Variants in SIPA1L1 observed in about 807,000 individuals in gnomAD.
SIPA1L1 encodes signal induced proliferation associated 1 like 1.
A neutral mutation model predicts 162.7 loss-of-function variants in SIPA1L1; 26 were observed. That is an observed-to-expected ratio of 0.16 (90% CI 0.12 to 0.22). SIPA1L1 has a LOEUF of 0.22. SIPA1L1 is among the 10% of genes least tolerant of loss of function. The probability of loss-of-function intolerance (pLI) is 1.00; values close to 1 mark genes in which losing one functional copy is unlikely to be tolerated. For missense variants in SIPA1L1, 1,874 were observed against 2,241.0 expected, an observed-to-expected ratio of 0.84 and a Z score of 3.31; for synonymous variants, 829 against 837.4, an observed-to-expected ratio of 0.99 and a Z score of 0.17.
intron 19 of SIPA1L1, among the ~76,000 whole-genome samples, chr14:71,726,050 A>G (rs1274137274): frequency 1.3e-5 from 2 of 152,128 alleles, no homozygotes; most frequent in Non-Finnish European, 2.9e-5. Flanking sequence ...GTGTGCATGC[A>G]TCTCCCCAGA....
intron 4 of SIPA1L1, among the ~76,000 whole-genome samples, chr14:71,553,880 A>G (rs1480511861): frequency 1.3e-5 from 2 of 152,168 alleles, no homozygotes; most frequent in Non-Finnish European, 2.9e-5. Flanking sequence ...TTGAGACCTT[A>G]GCATAGTGTT....
intron 2 of SIPA1L1, among the ~76,000 whole-genome samples, chr14:71,356,567 C>CAAAAAACAAAAAAAAAA (rs2037268199): frequency 2.6e-5 from 1 of 39,172 alleles, no homozygotes; most frequent in Non-Finnish European, 4.3e-5. Context: ...CTTGTCTCTA[C>CAAAAAACAAAAAAAAAA]AAAAAAAAAA....
At chr14:71,362,843 C>CT (rs1442724490) in intron 2 of SIPA1L1, among the ~76,000 whole-genome samples, 1 of 152,170 alleles carries the variant, frequency 6.6e-6, no homozygotes, top group African/African-American at 2.4e-5. Context: ...TTCACAGATA[C>CT]TTTTGCAGGA....
Position 71,650,397 on chromosome 14 carries a change from G to C in SIPA1L1, c.1881G>C (p.Glu627Asp), listed in dbSNP as rs538232566. ...YCKAGQSTEE[E>D]MYNNESAGPA... is the part of the protein sequence containing the mutation. The stretch of plus-strand genomic sequence containing the variant: ...AAGCTGGACAGAGCACTGAAGAAGA[G>C]ATGTACAACAATGAGTCAGCTGGCC... Residue 627 changes from glutamate to aspartate, a missense_variant, in exon 8 of 24, where the codon GAG becomes GAC. Around this residue, in one of 5 missense-constraint regions of SIPA1L1, gnomAD observed 685 missense variants for 828.0 expected, o/e 0.83. Transcript: ENST00000381232. The C allele has an allele frequency of 6.2e-7, 1 of 1,614,212 alleles. No individual in the cohort carries two copies. Among genetic ancestry groups the C allele is most frequent in the Non-Finnish European group, 8.5e-7 (1 of 1,180,024 alleles).
chr14:71,560,376 G>T (rs1449872853), intron 4 of SIPA1L1, among the ~76,000 whole-genome samples: 1 of 152,154 alleles, frequency 6.6e-6, no homozygotes, highest in African/African-American at 2.4e-5. Flanking sequence ...GATTGTGTTG[G>T]TATCTTTCCT....
At chr14:71,525,842 G>A (rs954016843) in intron 3 of SIPA1L1, among the ~76,000 whole-genome samples, 10 of 152,162 alleles carry the variant, frequency 6.6e-5, no homozygotes, top group African/African-American at 2.4e-4. Context: ...TTTAAATTCT[G>A]TATTGCTTAC....
intron 2 of SIPA1L1, among the ~76,000 whole-genome samples, chr14:71,397,598 A>T (rs1271762203): frequency 1.3e-5 from 2 of 152,154 alleles, no homozygotes; most frequent in East Asian, 3.8e-4. Flanking sequence ...GTAGCTGCTC[A>T]CTGCCTGCAG....
chr14:71,540,989 G>A (rs192068143), intron 4 of SIPA1L1, among the ~76,000 whole-genome samples: 35 of 152,170 alleles, frequency 2.3e-4, no homozygotes, highest in East Asian at 7.8e-4. Flanking sequence ...TTAGCCAGAC[G>A]TGGTGGCACA....
intron 2 of SIPA1L1, among the ~76,000 whole-genome samples, chr14:71,445,485 T>C (rs1212187993): frequency 6.6e-6 from 1 of 152,220 alleles, no homozygotes; most frequent in Non-Finnish European, 1.5e-5. Flanking sequence ...GATTTTAGCC[T>C]GGCAGAATTT....
At chr14:71,678,952 A>T (rs542698758) in intron 12 of SIPA1L1, among the ~76,000 whole-genome samples, 208 of 152,228 alleles carry the variant, frequency 1.4e-3, no homozygotes, top group Non-Finnish European at 2.4e-3. Context: ...GACCAAATCT[A>T]CGTCTGATTG....
intron 5 of SIPA1L1, among the ~76,000 whole-genome samples, chr14:71,617,309 T>C (rs1338760308): frequency 6.6e-6 from 1 of 152,244 alleles, no homozygotes; most frequent in South Asian, 2.1e-4. Flanking sequence ...AGCTGTGAGC[T>C]TGAAGACCAG....
At chr14:71,400,059 A>G (rs1156407172) in intron 2 of SIPA1L1, among the ~76,000 whole-genome samples, 3 of 151,834 alleles carry the variant, frequency 2.0e-5, no homozygotes, top group Admixed American at 6.6e-5. Context: ...TCCTGGGCTC[A>G]GTCTGCCTGC....
intron 2 of SIPA1L1, among the ~76,000 whole-genome samples, chr14:71,393,602 G>A (rs907864639): frequency 2.0e-5 from 3 of 152,254 alleles, no homozygotes; most frequent in Admixed American, 1.3e-4. Flanking sequence ...GAGGCAAGAC[G>A]TTCAAGACCA....
chr14:71,365,440 G>A (rs142474226), intron 2 of SIPA1L1, among the ~76,000 whole-genome samples: 214 of 152,142 alleles, frequency 1.4e-3, no homozygotes, highest in Non-Finnish European at 2.5e-3. Flanking sequence ...ACTATTGCCC[G>A]TAGGCACTTT....
At chr14:71,730,355 C>T (rs1412532925) in intron 20 of SIPA1L1, 54 bp downstream of exon 20, 2 of 1,593,722 alleles carry the variant, frequency 1.3e-6, no homozygotes, top group South Asian at 2.3e-5. Context: ...TGGTCAGTGT[C>T]CCCAGACGTG....
chr14:71,617,990 T>A (rs532022596), intron 5 of SIPA1L1, among the ~76,000 whole-genome samples: 1 of 152,330 alleles, frequency 6.6e-6, no homozygotes, highest in South Asian at 2.1e-4. Flanking sequence ...TTCTATAAAT[T>A]AACTTAATTT....
At chr14:71,330,613 G>A in intron 2 of SIPA1L1, 2 of 976,950 alleles carry the variant, frequency 2.0e-6, no homozygotes, top group Non-Finnish European at 3.3e-6. Flanking sequence ...CTTCTTCAGT[G>A]TGATGGTTTG....
intron 4 of SIPA1L1, among the ~76,000 whole-genome samples, chr14:71,543,700 TC>T (rs2054683171): frequency 6.6e-6 from 1 of 151,062 alleles, no homozygotes; most frequent in Non-Finnish European, 1.5e-5. Context: ...GTAACTTTTT[TC>T]TTTTTTTTTT....
intron 21 of SIPA1L1, 101 bp from the exon 22 acceptor site, chr14:71,735,176 A>T: frequency 1.3e-6 from 1 of 759,264 alleles, no homozygotes; most frequent in Non-Finnish European, 2.3e-6. Flanking sequence ...CTGCACTGGA[A>T]ATACTAGACA....
Sources: allele counts gnomAD v4.1 joint callset (sites outside exome capture counted in the v4.1 genomes callset), GRCh38; gene constraint gnomAD v4.1.1; regional missense constraint gnomAD v4.1.1; transcripts MANE v1.5; gene names NCBI Gene and HGNC (gene_info 2026-07-23, HGNC 2026-07-21).